WDR37: variants seen among roughly 807,000 people sequenced by gnomAD.
WDR37 encodes the protein WD repeat domain 37.
A neutral mutation model predicts 62.9 loss-of-function variants in WDR37; 19 were observed. The ratio of observed to expected loss-of-function variants is 0.30; its 90% confidence interval spans 0.21 to 0.44. WDR37 has a LOEUF of 0.44. Among genes scored for constraint, WDR37 ranks in the 20% least tolerant of loss-of-function variants. WDR37 has a pLI of 1.00. For missense variants in WDR37, 474 were observed against 657.6 expected (o/e 0.72, Z 3.05); for synonymous variants, 250 against 260.9 (o/e 0.96, Z 0.40).
chr10:1,102,136 CGTGGGAACCCTTGCTGTT>C, intron 9 of WDR37, among the ~76,000 whole-genome samples: 1 of 146,076 alleles, frequency 6.8e-6, no homozygotes, highest in Non-Finnish European at 1.5e-5. Flanking sequence ...GTCCCTGTGA[CGTGGGAACCCTTGCTGTT>C]GTGCGTCCCT....
At chr10:1,065,503 C>G (rs1345202377) in intron 1 of WDR37, among the ~76,000 whole-genome samples, 3 of 151,888 alleles carry the variant, frequency 2.0e-5, no homozygotes, top group South Asian at 2.1e-4. Context: ...GAATGATACA[C>G]CATGAACAAG....
rs557825841 is a variant in WDR37, at chr10:1,097,993, G to A, written c.726+1747G>A. Among the ~76,000 whole-genome samples the A allele has an allele frequency of 6.6e-5, 10 of 152,280 alleles. No individual in the cohort carries two copies. The East Asian group carries it at 1.4e-3, about 21-fold the overall frequency. Reference sequence around the variant, plus strand: ...GAGACTTGGGACTTCACACCTTAGCGCTGATGCTGGAATAAGACTTCTGGG... The same window carrying A: ...GAGACTTGGGACTTCACACCTTAGCACTGATGCTGGAATAAGACTTCTGGG... On this transcript the variant is annotated intron_variant, in intron 9 of 13. Coordinates refer to ENST00000263150, the MANE Select transcript of WDR37 (RefSeq NM_014023.4).
At chr10:1,112,657 G>A (rs1371322437) in intron 11 of WDR37, among the ~76,000 whole-genome samples, 2 of 152,232 alleles carry the variant, frequency 1.3e-5, no homozygotes, top group African/African-American at 4.8e-5. Context: ...GTGAACACAC[G>A]AATGATAAGA....
chr10:1,103,537 A>T lies in WDR37; in HGVS notation c.727-65A>T. The T allele has an allele frequency of 6.6e-7, 1 of 1,519,280 alleles. No individual in the cohort carries two copies. The highest frequency in any genetic ancestry group is 9.0e-7 in the Non-Finnish European group (1 of 1,106,054). The allele number at this position is 1,519,280 out of a possible 1,614,324, so 94.1% of individuals were successfully genotyped here. On this transcript the variant is annotated intron_variant, in intron 9 of 13. Coordinates refer to ENST00000263150, the MANE Select transcript of WDR37 (RefSeq NM_014023.4). This position sits in a 1 kb window ranked among gnomAD's most constrained non-coding sequence, Gnocchi z 6.3. ...AATGAGAACCATCTATTTTGTAGCT[A>T]TGTCAGAAGAAACTCAAGATTTCCA... is the stretch of plus-strand genomic sequence containing the variant.
intron 13 of WDR37, among the ~76,000 whole-genome samples, chr10:1,127,891 G>A (rs1355407247): frequency 1.3e-5 from 2 of 152,214 alleles, no homozygotes; most frequent in Non-Finnish European, 2.9e-5. Context: ...AAATCCCATG[G>A]GAGCTCTGCC....
chr10:1,119,472 A>G (rs1835505192), intron 11 of WDR37, among the ~76,000 whole-genome samples: 2 of 152,194 alleles, frequency 1.3e-5, no homozygotes, highest in African/African-American at 4.8e-5. Context: ...TAGTCTGTGG[A>G]AAGGTTCTTA....
At chr10:1,074,458 C>A in intron 2 of WDR37, 1 of 1,304,500 alleles carries the variant, frequency 7.7e-7, no homozygotes, top group Non-Finnish European at 1.0e-6. Flanking sequence ...CTAGACGGAG[C>A]TCATTTGTTC....
intron 5 of WDR37, among the ~76,000 whole-genome samples, chr10:1,084,031 A>T (rs1371555296): frequency 6.6e-6 from 1 of 152,146 alleles, no homozygotes; most frequent in Non-Finnish European, 1.5e-5. Flanking sequence ...TTTGTATCTG[A>T]GTGGCTAGCT....
At chr10:1,092,147 T>G (rs1309143214) in intron 7 of WDR37, among the ~76,000 whole-genome samples, 1 of 126,386 alleles carries the variant, frequency 7.9e-6, no homozygotes, top group Non-Finnish European at 1.6e-5. Context: ...GCCACTGCAC[T>G]CCAACCTGGG....
rs2131605971 is a variant in WDR37 at position 1,065,116 on chromosome 10, G to A, written c.-40-7000G>A. Among the ~76,000 whole-genome samples, 2 of 152,322 alleles carry A rather than the reference G, an allele frequency of 1.3e-5. 1 individual carries two copies. Among genetic ancestry groups the A allele is most frequent in the South Asian group, 4.1e-4 (2 of 4,828 alleles). ...AAAGAAATGTGGGAACATCAGGAGGGAAGAACAAAGAATGGACAGCAAAAA... is the reference window on the plus strand; with the variant it reads ...AAAGAAATGTGGGAACATCAGGAGGAAAGAACAAAGAATGGACAGCAAAAA... On this transcript the variant is annotated intron_variant, in intron 1 of 13. Coordinates refer to ENST00000263150, the MANE Select transcript of WDR37 (RefSeq NM_014023.4).
intron 9 of WDR37, among the ~76,000 whole-genome samples, chr10:1,097,359 G>A (rs1049894291): frequency 6.6e-5 from 10 of 152,284 alleles, no homozygotes; most frequent in East Asian, 1.9e-4. Flanking sequence ...CAGAGACCCC[G>A]CCAGCTTGAA....
chr10:1,124,801 C>T (rs890873577), intron 12 of WDR37, 109 bp from the exon 13 acceptor site: 16 of 1,390,128 alleles, frequency 1.2e-5, no homozygotes, highest in South Asian at 4.1e-5. Context: ...TTCATGTAGT[C>T]GGCCTTGAAA....
At chr10:1,113,333 CAG>C (rs1341898644) in intron 11 of WDR37, among the ~76,000 whole-genome samples, 1 of 152,124 alleles carries the variant, frequency 6.6e-6, no homozygotes, top group African/African-American at 2.4e-5. Flanking sequence ...TGCTTATTGA[CAG>C]TGCACCTAAG....
At chr10:1,073,345 C>A (rs1268984185) in intron 2 of WDR37, among the ~76,000 whole-genome samples, 4 of 152,090 alleles carry the variant, frequency 2.6e-5, no homozygotes, top group Admixed American at 6.5e-5. Context: ...TTTGTTAGGA[C>A]CATGTGGGTA....
intron 3 of WDR37, among the ~76,000 whole-genome samples, chr10:1,078,505 G>T (rs1833941788): frequency 6.6e-6 from 1 of 152,154 alleles, no homozygotes; most frequent in Admixed American, 6.5e-5. Flanking sequence ...TTCAAAGGAA[G>T]ACATTTTCTG....
intron 7 of WDR37, among the ~76,000 whole-genome samples, chr10:1,086,763 T>C (rs1256433219): frequency 6.6e-6 from 1 of 152,218 alleles, no homozygotes; most frequent in Non-Finnish European, 1.5e-5. Flanking sequence ...CCGTAGTTAA[T>C]GCTGTCCACG....
intron 7 of WDR37, among the ~76,000 whole-genome samples, chr10:1,087,398 A>G (rs1405033930): frequency 1.3e-5 from 2 of 152,096 alleles, no homozygotes; most frequent in Non-Finnish European, 2.9e-5. Context: ...TCCTCCTTCA[A>G]ATTTCCTCTT....
intron 10 of WDR37, among the ~76,000 whole-genome samples, chr10:1,104,335 G>C (rs1834916523): frequency 6.6e-6 from 1 of 152,218 alleles, no homozygotes; most frequent in Non-Finnish European, 1.5e-5. Flanking sequence ...CTTCTTGCCA[G>C]CTGCCAGCCG....
At chr10:1,066,775 A>G (rs994230012) in intron 1 of WDR37, among the ~76,000 whole-genome samples, 1 of 152,222 alleles carries the variant, frequency 6.6e-6, no homozygotes, top group African/African-American at 2.4e-5. Flanking sequence ...GCAATTTACA[A>G]AGGAAAGAGG....
Sources: gnomAD v4.1 joint callset for allele counts (sites outside exome capture counted in the v4.1 genomes callset) on GRCh38, gnomAD v4.1.1 for gene constraint, Gnocchi (gnomAD v3.1) non-coding constraint, MANE v1.5 for transcripts, NCBI Gene and HGNC (gene_info 2026-07-23, HGNC 2026-07-21) for gene names.